INTS1: variants seen among roughly 807,000 people sequenced by gnomAD.
The protein encoded by INTS1 is integrator complex subunit 1.
Under a neutral mutation model 241.6 loss-of-function variants are expected in INTS1, and 137 were observed. The ratio of observed to expected loss-of-function variants is 0.57; its 90% CI spans 0.49 to 0.65. The LOEUF (loss-of-function observed/expected upper bound fraction) is 0.65, where lower values mean the gene tolerates loss of function less well. Ranked by LOEUF, INTS1 falls within the 30% of genes least tolerant of loss-of-function variation. INTS1 has a pLI of 0.00. For synonymous variants in INTS1, 1,692 were observed against 1,337.8 expected (o/e 1.26, Z -5.78); for missense variants, 3,073 against 3,032.2 (o/e 1.01, Z -0.32).
chr7:1,478,251 C>T, intron 33 of INTS1, 115 bp downstream of exon 33: 1 of 1,222,520 alleles, frequency 8.2e-7, no homozygotes, highest in Non-Finnish European at 1.2e-6. Context: ...TGGGCACTTT[C>T]CGGGGACAGT....
Position 1,481,172 on chromosome 7 carries a change from C to T in INTS1, c.3850+170G>A, listed in dbSNP as rs1781975755. 3 of 838,412 alleles carry T rather than the reference C, an allele frequency of 3.6e-6. No individual in the cohort carries two copies. The highest frequency in any genetic ancestry group is 2.0e-5 in the Admixed American group (1 of 49,556). The allele number at this position is 838,412 out of a possible 1,614,324, so 51.9% of individuals were successfully genotyped here. A position where few individuals can be genotyped will look rare whatever the true frequency, so the allele number is the denominator to read the frequency against. ...GGCAGGCCCAGGCCTCGGCTCCCTC[C>T]TGACTGTGCCAGCCTCACCAACCCA... On this transcript the variant is annotated intron_variant, in intron 28 of 47. Transcript: ENST00000404767. The surrounding 1 kb of genome is among the most constrained non-coding windows in gnomAD (Gnocchi z 6.8).
In INTS1 at chr7:1,494,789, A is replaced by G. The variant is rs752791; in HGVS notation, c.1910+27T>C. The G allele has an allele frequency of 0.45, 694,144 of 1,548,598 alleles. 163,058 individuals carry two copies. The highest frequency in any genetic ancestry group is 0.77 in the African/African-American group (56,515 of 73,116). Reference sequence around the variant, plus strand: ...CGCAGCCCCGCCCAGCCCGGCACACAGGAGCCCCAGGCGGCAGCGCACTCA... The same window carrying G: ...CGCAGCCCCGCCCAGCCCGGCACACGGGAGCCCCAGGCGGCAGCGCACTCA... On this transcript the variant is annotated intron_variant, in intron 14 of 47. Coordinates refer to ENST00000404767, the MANE Select transcript of INTS1 (RefSeq NM_001080453.3).
chr7:1,470,975 C>T lies in INTS1; in HGVS notation c.6348-20G>A. 6.5e-7 allele frequency: 1 copy of T among 1,541,948 alleles called. No homozygotes were observed. Among genetic ancestry groups the T allele is most frequent in the Non-Finnish European group, 8.8e-7 (1 of 1,139,386 alleles). The stretch of plus-strand genomic sequence containing the variant: ...GCAATGCTGAAAGACCCACACACTT[C>T]AGTGGGAACCTCCACCCTGTGCCCA... On this transcript the variant is annotated intron_variant, in intron 46 of 47. Coordinates refer to ENST00000404767, the MANE Select transcript of INTS1 (RefSeq NM_001080453.3).
At chr7:1,499,424 T>A in intron 6 of INTS1, 49 bp downstream of exon 6, 2 of 258,074 alleles carry the variant, frequency 7.7e-6, no homozygotes, top group African/African-American at 8.4e-5. Flanking sequence ...ACCCCTCCCC[T>A]GCCCTGGGGC....
rs1562490581 is a variant in INTS1 at position 1,478,064 on chromosome 7, A to AGAGAGGAGAGTGCGGCCGGG, written c.4631-129_4631-128insCCCGGCCGCACTCTCCTCTC. The AGAGAGGAGAGTGCGGCCGGG allele has an allele frequency of 1.1e-4, 91 of 818,368 alleles. No homozygotes were observed. The African/African-American group carries it at 1.4e-3, about 13-fold the overall frequency. 50.7% of individuals were successfully genotyped at this position (818,368 alleles called of 1,614,324 possible). Reference sequence around the variant, plus strand: ...GGACACAAGAGCAGAGTCCAGCCGGAGCCAGAGAGGAGAGTGCAGCCGGGG... The same window carrying AGAGAGGAGAGTGCGGCCGGG: ...GGACACAAGAGCAGAGTCCAGCCGGAGAGAGGAGAGTGCGGCCGGGGCCAGAGAGGAGAGTGCAGCCGGGG... On this transcript the variant is annotated intron_variant, in intron 33 of 47. Coordinates refer to ENST00000404767, the MANE Select transcript of INTS1 (RefSeq NM_001080453.3).
At position 1,479,725 on chromosome 7, in the gene INTS1, A is replaced by AGG. The variant is rs575788602; in HGVS notation, c.4075-42_4075-41insCC. The AGG allele has an allele frequency of 1.4e-4, 198 of 1,422,800 alleles. 1 individual carries two copies. The highest frequency in any genetic ancestry group is 9.7e-4 in the African/African-American group (66 of 68,292). The allele number at this position is 1,422,800 out of a possible 1,614,324, so 88.1% of individuals were successfully genotyped here. A position where few individuals can be genotyped will look rare whatever the true frequency, so the allele number is the denominator to read the frequency against. The stretch of plus-strand genomic sequence containing the variant: ...CCAGTGTCAGGAGGAAGCGGAGGAG[A>AGG]AGGAGGAGGAGCGCAGCGGAGAGGC... On this transcript the variant is annotated intron_variant, in intron 30 of 47. Transcript: ENST00000404767.
chr7:1,487,816 C>G lies in INTS1; in HGVS notation c.2460G>C (p.Gln820His), dbSNP rs774788375. ...GGAGGCTGCTGCTCTCAGTGATGGT[C>G]TGCTTGGTGGACGCGGCCGCCAGGT... ...EGHLAAASTK[Q>H]TITESSSLLL... is the part of the protein sequence containing the mutation. Residue 820 changes from glutamine to histidine, a missense_variant, in exon 19 of 48, where the codon CAG becomes CAC. Gln to His is a conservative substitution (Grantham distance 24, BLOSUM62 0). Coordinates refer to ENST00000404767, the MANE Select transcript of INTS1 (RefSeq NM_001080453.3). 1.9e-6 allele frequency: 3 copies of G among 1,612,740 alleles called. No homozygotes were observed. The highest frequency in any genetic ancestry group is 1.7e-6 in the Non-Finnish European group (2 of 1,179,834).
chr7:1,478,082 A>G (rs10265535), intron 33 of INTS1, 146 bp from the exon 34 acceptor site: 350,949 of 743,082 alleles, frequency 0.47, 89,124 homozygotes, highest in African/African-American at 0.77. Flanking sequence ...AGGAGAGTGC[A>G]GCCGGGGCCG....
intron 9 of INTS1, 38 bp downstream of exon 9, chr7:1,498,646 ACACCCCCACCCACACCCCCACTC>A: frequency 4.1e-6 from 1 of 241,308 alleles, no homozygotes; most frequent in Non-Finnish European, 5.9e-6. Context: ...CGCTCCGCCC[ACACCCCCACCCACACCCCCACTC>A]CACCCGCACC....
Position 1,471,141 on chromosome 7 carries a change from G to C in INTS1, c.6339C>G (p.Asn2113Lys). Residue 2113 changes from asparagine (N) to lysine (K), a missense_variant, in exon 46 of 48, where the codon AAC (asparagine) becomes AAG (lysine). By Grantham distance (94) the Asn-to-Lys change is moderately conservative. Transcript: ENST00000404767. ...AFSLALRSMQ[N>K]SPSIAAAFLP... is the part of the protein sequence containing the mutation. ...GCCGGCGGTGGCCTCACCTGGGGCT[G>C]TTCTGCATGGAGCGCAGGGCCAGGC... is the stretch of plus-strand genomic sequence containing the variant. The C allele has an allele frequency of 6.4e-7, 1 of 1,571,072 alleles. No homozygotes were observed. Among genetic ancestry groups the C allele is most frequent in the Non-Finnish European group, 8.6e-7 (1 of 1,159,410 alleles).
chr7:1,489,144 ACC>A (rs1159658013), intron 18 of INTS1, among the ~76,000 whole-genome samples, 198 bp downstream of exon 18: 1 of 151,786 alleles, frequency 6.6e-6, no homozygotes, highest in Non-Finnish European at 1.5e-5. Context: ...CTCAATCCAC[ACC>A]CCCTCTCCCG....
chr7:1,473,811 C>G, intron 41 of INTS1, 118 bp from the exon 42 acceptor site: 4 of 1,276,342 alleles, frequency 3.1e-6, no homozygotes, highest in Non-Finnish European at 4.4e-6. Flanking sequence ...CGAGCCCCCT[C>G]TGCCAACCAC....
At chr7:1,479,153 CA>C (rs1781874377) in intron 31 of INTS1, among the ~76,000 whole-genome samples, 1 of 152,254 alleles carries the variant, frequency 6.6e-6, no homozygotes, top group African/African-American at 2.4e-5. Flanking sequence ...CCAAGTAAAA[CA>C]CAGTCCTAGG....
chr7:1,479,465 C>T lies in INTS1; in HGVS notation c.4294G>A (p.Ala1432Thr). The change falls in exon 31 of 48, where the codon GCC becomes ACC. Residue 1432 changes from alanine (A) to threonine (T), a missense_variant. By Grantham distance (58) the Ala-to-Thr change is moderately conservative. Coordinates refer to ENST00000404767, the MANE Select transcript of INTS1 (RefSeq NM_001080453.3). ...VMSMHRSHFLACPLLRQLCQY... is the reference protein window; with the variant it reads ...VMSMHRSHFLTCPLLRQLCQY... ...CAGAGCTGGCGCAGCAGCGGGCAGG[C>T]CAGGAAGTGGCTACGGTGCATGGAC... 1.3e-6 allele frequency: 2 copies of T among 1,579,188 alleles called. No homozygotes were observed. The highest frequency in any genetic ancestry group is 1.7e-6 in the Non-Finnish European group (2 of 1,163,642).
At chr7:1,472,640 G>A (rs1490799695) in intron 43 of INTS1, among the ~76,000 whole-genome samples, 3 of 152,190 alleles carry the variant, frequency 2.0e-5, no homozygotes, top group Non-Finnish European at 4.4e-5. Context: ...CACAAGACGG[G>A]ATGGCCCCTT....
At chr7:1,486,147 G>C (rs1393728134) in intron 22 of INTS1, among the ~76,000 whole-genome samples, 1 of 152,148 alleles carries the variant, frequency 6.6e-6, no homozygotes, top group African/African-American at 2.4e-5. Flanking sequence ...TGTTGCCCAG[G>C]CTGGTCTCAA....
Position 1,495,436 on chromosome 7 carries a change from T to C in INTS1, c.1829A>G (p.His610Arg), listed in dbSNP as rs1782798277. The change falls in exon 13 of 48, where the codon CAC becomes CGC. Residue 610 changes from histidine to arginine, a missense_variant. By Grantham distance (29) the His-to-Arg change is conservative. Transcript: ENST00000404767. ...ISKLAPKDYV[H>R]CLHKVLFTEQ... Reference sequence around the variant, plus strand: ...CTGTACAGGGCCCCAGCCGCACCAGTGCACGTAGTCCTTAGGGGCGAGCTT... The same window carrying C: ...CTGTACAGGGCCCCAGCCGCACCAGCGCACGTAGTCCTTAGGGGCGAGCTT... 6.2e-7 allele frequency: 1 copy of C among 1,610,658 alleles called. No individual in the cohort carries two copies. Among genetic ancestry groups the C allele is most frequent in the Non-Finnish European group, 8.5e-7 (1 of 1,178,832 alleles).
intron 2 of INTS1, among the ~76,000 whole-genome samples, chr7:1,503,602 G>C (rs1471990716): frequency 5.3e-5 from 8 of 152,224 alleles, no homozygotes; most frequent in Admixed American, 4.6e-4. Flanking sequence ...CCCGTGCTAC[G>C]CTACACTGTG....
intron 12 of INTS1, among the ~76,000 whole-genome samples, 178 bp downstream of exon 12, chr7:1,495,978 G>A (rs1201098513): frequency 6.6e-6 from 1 of 152,214 alleles, no homozygotes; most frequent in African/African-American, 2.4e-5. Flanking sequence ...GCTGGGGTGA[G>A]GCCCGGATGG....
Sources: allele counts gnomAD v4.1 joint callset (sites outside exome capture counted in the v4.1 genomes callset), GRCh38; gene constraint gnomAD v4.1.1; non-coding constraint Gnocchi (gnomAD v3.1); transcripts MANE v1.5; gene names NCBI Gene and HGNC (gene_info 2026-07-23, HGNC 2026-07-21).